MALRD1: variants seen among roughly 807,000 people sequenced by gnomAD.
The protein encoded by MALRD1 is MAM and LDL receptor class A domain containing 1, also known as MAM and LDL-receptor class A domain-containing protein 1.
Under a neutral mutation model 242.1 loss-of-function variants are expected in MALRD1, and 247 were observed. That is an observed-to-expected ratio of 1.02 (90% CI 0.92 to 1.13). MALRD1 has a LOEUF of 1.13. Ranked by LOEUF, MALRD1 falls within the 50% of genes most tolerant of loss-of-function variation. The pLI is 0.00. For synonymous variants in MALRD1, 995 were observed against 866.6 expected (o/e 1.15, Z -2.60); for missense variants, 2,989 against 2,533.1 (o/e 1.18, Z -3.86).
chr10:19,070,084 C>G (rs768406434), intron 2 of MALRD1, among the ~76,000 whole-genome samples: 7 of 152,074 alleles, frequency 4.6e-5, no homozygotes, highest in Non-Finnish European at 8.8e-5. Flanking sequence ...TTCAATCGAT[C>G]TATCTTCAAG....
Position 19,165,794 on chromosome 10 carries a change from C to G in MALRD1, c.1814C>G (p.Ser605Cys), listed in dbSNP as rs1490100624. Residue 605 changes from serine (S) to cysteine (C), a missense_variant, in exon 13 of 40, where the codon TCT becomes TGT. Ser to Cys is a moderately radical substitution (Grantham distance 112). Coordinates refer to ENST00000454679, the MANE Select transcript of MALRD1 (RefSeq NM_001142308.3). Reference sequence around the variant, plus strand: ...GATCTCATTGCAGAAGCGGGAGAATCTACTCTACCTTTTCAGGTAAGCACA... The same window carrying G: ...GATCTCATTGCAGAAGCGGGAGAATGTACTCTACCTTTTCAGGTAAGCACA... ...KIDLIAEAGE[S>C]TLPFQLILEA... 1.6e-6 allele frequency: 2 copies of G among 1,231,574 alleles called. No individual in the cohort carries two copies. Among genetic ancestry groups the G allele is most frequent in the Middle Eastern group, 3.1e-4 (1 of 3,230 alleles). 76.3% of individuals were successfully genotyped at this position (1,231,574 alleles called of 1,614,324 possible).
At chr10:19,148,401 A>C (rs1398108883) in intron 11 of MALRD1, among the ~76,000 whole-genome samples, 1 of 152,106 alleles carries the variant, frequency 6.6e-6, no homozygotes, top group African/African-American at 2.4e-5. Context: ...TTCCCTGTGG[A>C]GTTGTCATGA....
At chr10:19,299,555 A>T (rs758674879) in intron 21 of MALRD1, among the ~76,000 whole-genome samples, 2 of 151,328 alleles carry the variant, frequency 1.3e-5, no homozygotes, top group Non-Finnish European at 3.0e-5. Context: ...AAATAGACTT[A>T]TACACAGTAT....
intron 14 of MALRD1, among the ~76,000 whole-genome samples, chr10:19,182,106 T>C (rs933850302): frequency 2.0e-5 from 3 of 152,088 alleles, no homozygotes; most frequent in Non-Finnish European, 2.9e-5. Context: ...GAGTGTCTAT[T>C]GCAAGTTCTG....
At chr10:19,582,135 T>A (rs1337084801) in intron 33 of MALRD1, among the ~76,000 whole-genome samples, 1 of 152,088 alleles carries the variant, frequency 6.6e-6, no homozygotes, top group Non-Finnish European at 1.5e-5. Context: ...CTTTGTCAGA[T>A]GAGTAGGTTG....
chr10:19,110,057 G>A (rs1836621331), intron 5 of MALRD1, among the ~76,000 whole-genome samples: 1 of 152,222 alleles, frequency 6.6e-6, no homozygotes, highest in African/African-American at 2.4e-5. Flanking sequence ...TATGAATCCA[G>A]TCTGAGTCCC....
intron 28 of MALRD1, among the ~76,000 whole-genome samples, chr10:19,440,612 C>T (rs749345384): frequency 8.6e-5 from 13 of 151,998 alleles, no homozygotes; most frequent in African/African-American, 1.9e-4. Flanking sequence ...TCTATTCTTG[C>T]GATAGTTTTC....
rs914421079 is a variant in MALRD1 at position 19,087,454 on chromosome 10, A to T, written c.341-386A>T. ...ATTATTTGTTCTTTAAACAAAAAAA[A>T]TTATTAATCTAGTGAGGATGTGGGC... On this transcript the variant is annotated intron_variant, in intron 2 of 39. Transcript: ENST00000454679. Among the ~76,000 whole-genome samples, 22 of 152,186 alleles carry T rather than the reference A, an allele frequency of 1.4e-4. 1 individual carries two copies. The highest frequency in any genetic ancestry group is 2.6e-4 in the Non-Finnish European group (18 of 67,992).
chr10:19,196,404 T>A, intron 14 of MALRD1, among the ~76,000 whole-genome samples: 1 of 152,162 alleles, frequency 6.6e-6, no homozygotes, highest in Non-Finnish European at 1.5e-5. Flanking sequence ...ACAGAAACTG[T>A]TCTTATCCAA....
chr10:19,209,679 A>G lies in MALRD1; in HGVS notation c.2990A>G (p.Gln997Arg), dbSNP rs1443802406. Residue 997 changes from glutamine (Q) to arginine (R), a missense_variant and splice_region_variant, in exon 18 of 40, where the codon CAG becomes CGG. Transcript: ENST00000454679. ...AACATTTCCAGCAGGCAGCCCTTTC[A>G]GGTATGGATAATAGATTTTATAATG... ...HLNISSRQPF[Q>R]ILVEASVGDG... The G allele has an allele frequency of 4.5e-6, 7 of 1,542,212 alleles. No individual in the cohort carries two copies. The highest frequency in any genetic ancestry group is 1.4e-5 in the African/African-American group (1 of 72,836).
At chr10:19,270,847 C>A (rs565232544) in intron 19 of MALRD1, among the ~76,000 whole-genome samples, 245 of 151,628 alleles carry the variant, frequency 1.6e-3, no homozygotes, top group Non-Finnish European at 2.7e-3. Flanking sequence ...CACACACGCA[C>A]ACACAAAATA....
chr10:19,184,588 G>A (rs990394996), intron 14 of MALRD1, among the ~76,000 whole-genome samples: 1 of 152,110 alleles, frequency 6.6e-6, no homozygotes, highest in East Asian at 1.9e-4. Context: ...TTGGTCTGTT[G>A]CCCAGGCTGG....
intron 26 of MALRD1, among the ~76,000 whole-genome samples, chr10:19,358,073 A>T (rs776449948): frequency 1.3e-5 from 2 of 152,126 alleles, no homozygotes; most frequent in Non-Finnish European, 2.9e-5. Flanking sequence ...AATTTTAATA[A>T]GAAAAAGACA....
intron 32 of MALRD1, among the ~76,000 whole-genome samples, chr10:19,567,102 C>T (rs1836289277): frequency 6.6e-6 from 1 of 152,146 alleles, no homozygotes; most frequent in Non-Finnish European, 1.5e-5. Context: ...CTTCTATAAT[C>T]TCATATTCAT....
intron 28 of MALRD1, among the ~76,000 whole-genome samples, chr10:19,436,467 A>G (rs1165598319): frequency 6.6e-6 from 1 of 152,206 alleles, no homozygotes; most frequent in Non-Finnish European, 1.5e-5. Flanking sequence ...ATAACATTCC[A>G]TTAAAATGGT....
intron 33 of MALRD1, among the ~76,000 whole-genome samples, chr10:19,581,374 C>G (rs1454059848): frequency 8.0e-6 from 1 of 125,236 alleles, no homozygotes; most frequent in Non-Finnish European, 1.6e-5. Flanking sequence ...CCCCCCTCCC[C>G]CCACCCCACA....
rs1491532021 is a variant in MALRD1, at chr10:19,482,690, CAT to C, written c.5030-8825_5030-8824del. Among the ~76,000 whole-genome samples, 382 of 148,402 alleles carry C rather than the reference CAT, an allele frequency of 2.6e-3. 4 individuals are homozygous for C. The highest frequency in any genetic ancestry group is 8.0e-3 in the African/African-American group (314 of 39,206). On this transcript the variant is annotated intron_variant, in intron 29 of 39. Coordinates refer to ENST00000454679, the MANE Select transcript of MALRD1 (RefSeq NM_001142308.3). ...ACACACACACACACACACACACACACATACACACAAAGCAAAAAATACTTAGG... is the reference window on the plus strand; with the variant it reads ...ACACACACACACACACACACACACACACACACAAAGCAAAAAATACTTAGG...
chr10:19,049,808 A>G (rs1213221430), intron 1 of MALRD1, among the ~76,000 whole-genome samples: 1 of 152,232 alleles, frequency 6.6e-6, no homozygotes, highest in Non-Finnish European at 1.5e-5. Context: ...GCATACTGGG[A>G]GAACACTAAG....
intron 32 of MALRD1, among the ~76,000 whole-genome samples, chr10:19,563,055 C>G (rs895054823): frequency 2.6e-5 from 4 of 152,132 alleles, no homozygotes; most frequent in African/African-American, 9.7e-5. Flanking sequence ...AAGACTGGAT[C>G]AATGATTTCC....
Sources: gnomAD v4.1 joint callset for allele counts (sites outside exome capture counted in the v4.1 genomes callset) on GRCh38, gnomAD v4.1.1 for gene constraint, MANE v1.5 for transcripts, NCBI Gene and HGNC (gene_info 2026-07-23, HGNC 2026-07-21) for gene names.